JAZF1: variants seen among roughly 807,000 people sequenced by gnomAD.
JAZF1 encodes juxtaposed with another zinc finger protein 1.
Under a neutral mutation model 26.4 loss-of-function variants are expected in JAZF1, and 8 were observed. The observed-to-expected ratio is 0.30, with a 90% CI of 0.18 to 0.55. The LOEUF (loss-of-function observed/expected upper bound fraction) is 0.55, where lower values mean the gene tolerates loss of function less well. Among genes scored for constraint, JAZF1 ranks in the 20% least tolerant of loss-of-function variants. JAZF1 has a pLI of 0.94. For missense variants in JAZF1, 199 were observed against 322.0 expected (o/e 0.62, Z 2.92); for synonymous variants, 126 against 122.3 (o/e 1.03, Z -0.20).
At chr7:27,988,648 G>A (rs923474432) in intron 2 of JAZF1, among the ~76,000 whole-genome samples, 3 of 151,806 alleles carry the variant, frequency 2.0e-5, no homozygotes, top group Non-Finnish European at 2.9e-5. Context: ...CTCCAACATC[G>A]GTTATTGTGA....
chr7:28,056,213 G>A (rs1034901549), intron 1 of JAZF1, among the ~76,000 whole-genome samples: 3 of 151,674 alleles, frequency 2.0e-5, no homozygotes, highest in African/African-American at 7.3e-5. Flanking sequence ...AAAAAACCTG[G>A]AGCACGCAAT....
chr7:28,108,626 T>C (rs1421370793), intron 1 of JAZF1, among the ~76,000 whole-genome samples: 1 of 152,088 alleles, frequency 6.6e-6, no homozygotes, highest in Non-Finnish European at 1.5e-5. Flanking sequence ...ATAGCCACTA[T>C]GGAAAAAACA....
intron 1 of JAZF1, among the ~76,000 whole-genome samples, chr7:28,177,590 AT>A (rs1783567405): frequency 6.6e-6 from 1 of 152,232 alleles, no homozygotes; most frequent in African/African-American, 2.4e-5. Flanking sequence ...TCACCTAAGC[AT>A]ATCTCTAATA....
chr7:27,953,770 T>C (rs1052745384), intron 2 of JAZF1, among the ~76,000 whole-genome samples: 1 of 152,228 alleles, frequency 6.6e-6, no homozygotes, highest in Non-Finnish European at 1.5e-5. Flanking sequence ...CTGTAAAATA[T>C]ATACTTATCC....
At chr7:28,140,017 GTACT>G (rs1782939806) in intron 1 of JAZF1, among the ~76,000 whole-genome samples, 1 of 151,794 alleles carries the variant, frequency 6.6e-6, no homozygotes, top group African/African-American at 2.4e-5. Context: ...GCAGAAAGAA[GTACT>G]TACTCTGACA....
chr7:27,935,967 G>C (rs1329744580), intron 2 of JAZF1, among the ~76,000 whole-genome samples: 2 of 152,206 alleles, frequency 1.3e-5, no homozygotes, highest in Non-Finnish European at 2.9e-5. Flanking sequence ...GAGTGCCCCA[G>C]TGAAGAGGGT....
chr7:28,133,395 A>T (rs1400653475), intron 1 of JAZF1, among the ~76,000 whole-genome samples: 1 of 152,234 alleles, frequency 6.6e-6, no homozygotes, highest in Non-Finnish European at 1.5e-5. Context: ...AAGAATCATA[A>T]GCCTATCAGC....
chr7:27,888,105 G>T (rs77051182), intron 3 of JAZF1, among the ~76,000 whole-genome samples: 1 of 152,182 alleles, frequency 6.6e-6, no homozygotes, highest in African/African-American at 2.4e-5. Flanking sequence ...ACAAAAGCGG[G>T]TATTTATGTG....
chr7:28,087,739 C>T (rs1784232738), intron 1 of JAZF1, among the ~76,000 whole-genome samples: 1 of 152,074 alleles, frequency 6.6e-6, no homozygotes, highest in South Asian at 2.1e-4. Context: ...TTCAAAATTC[C>T]TAATCAGGAA....
intron 2 of JAZF1, among the ~76,000 whole-genome samples, chr7:27,923,760 G>A (rs900170207): frequency 2.6e-5 from 4 of 152,204 alleles, no homozygotes; most frequent in African/African-American, 4.8e-5. Context: ...TCAGCACAGG[G>A]AAGGAAATTA....
At chr7:28,090,817 G>GTTTTTTT (rs11367530) in intron 1 of JAZF1, among the ~76,000 whole-genome samples, 7 of 101,798 alleles carry the variant, frequency 6.9e-5, no homozygotes, top group Admixed American at 1.1e-4. Context: ...TTTTTTAGTT[G>GTTTTTTT]TTTTTTTTTT....
rs537701860 is a variant in JAZF1, at chr7:28,157,342, T to C, written c.115+23121A>G. On this transcript the variant is annotated intron_variant, in intron 1 of 4. Coordinates refer to ENST00000283928, the MANE Select transcript of JAZF1 (RefSeq NM_175061.4). ...TGTAAAGAGCCAGACAGTGAATATT[T>C]TTGGCTTTGTGGGCCCTATCAGCTC... 1.2e-4 allele frequency among the ~76,000 whole-genome samples: 19 copies of C among 152,360 alleles called. No individual in the cohort carries two copies. The South Asian group carries it at 3.9e-3, about 32-fold the overall frequency.
At chr7:27,923,913 G>A (rs1392785652) in intron 2 of JAZF1, among the ~76,000 whole-genome samples, 5 of 152,208 alleles carry the variant, frequency 3.3e-5, no homozygotes, top group Non-Finnish European at 7.3e-5. Flanking sequence ...GGAAGAAACA[G>A]AAATGAATTA....
intron 2 of JAZF1, among the ~76,000 whole-genome samples, chr7:27,979,363 T>C (rs1047667513): frequency 3.1e-5 from 4 of 130,882 alleles, no homozygotes; most frequent in Non-Finnish European, 4.7e-5. Flanking sequence ...CCAGGTACAC[T>C]ACATTTTTTT....
At chr7:27,884,948 G>A (rs975058760) in intron 3 of JAZF1, among the ~76,000 whole-genome samples, 5 of 152,122 alleles carry the variant, frequency 3.3e-5, no homozygotes, top group African/African-American at 4.8e-5. Flanking sequence ...CTCTCTGCCG[G>A]GCGGAGGGAT....
intron 2 of JAZF1, among the ~76,000 whole-genome samples, chr7:27,974,747 T>C (rs1785438656): frequency 6.6e-6 from 1 of 152,198 alleles, no homozygotes; most frequent in Admixed American, 6.5e-5. Context: ...TGTGTTTGGC[T>C]GTTCTTCTGA....
Position 27,831,627 on chromosome 7 carries a change from T to G in JAZF1, c.*1173A>C, listed in dbSNP as rs898777781. 4.4e-6 allele frequency: 1 copy of G among 225,958 alleles called. No homozygotes were observed. Among genetic ancestry groups the G allele is most frequent in the African/African-American group, 2.2e-5 (1 of 44,942 alleles). 14.0% of individuals were successfully genotyped at this position (225,958 alleles called of 1,614,324 possible). A position where few individuals can be genotyped will look rare whatever the true frequency, so the allele number is the denominator to read the frequency against. ...TCATTTTCCTATTTCAGCAAAGTGT[T>G]TGTTTTATAAAGCTAAACAGACATT... On this transcript the variant is annotated 3_prime_UTR_variant, in exon 5 of 5. Transcript: ENST00000283928.
intron 1 of JAZF1, among the ~76,000 whole-genome samples, chr7:28,123,385 G>C (rs1307551491): frequency 6.6e-6 from 1 of 152,116 alleles, no homozygotes; most frequent in Non-Finnish European, 1.5e-5. Context: ...GCACTTATCA[G>C]AGCTGTACTG....
chr7:28,038,143 A>G (rs1282843535), intron 1 of JAZF1, among the ~76,000 whole-genome samples: 1 of 152,246 alleles, frequency 6.6e-6, no homozygotes, highest in African/African-American at 2.4e-5. Flanking sequence ...AACACAATAC[A>G]AAGAACAGAG....
Sources: allele counts gnomAD v4.1 joint callset (sites outside exome capture counted in the v4.1 genomes callset), GRCh38; gene constraint gnomAD v4.1.1; transcripts MANE v1.5; gene names NCBI Gene and HGNC (gene_info 2026-07-23, HGNC 2026-07-21).